COL24A1: variants seen among roughly 807,000 people sequenced by gnomAD.
COL24A1 encodes collagen alpha-1(XXIV) chain.
In COL24A1, 224 loss-of-function variants were observed where a neutral mutation model predicts 253.9. The observed-to-expected ratio is 0.88, with a 90% CI of 0.79 to 0.99. COL24A1 has a LOEUF of 0.99. COL24A1 is among the 50% of genes least tolerant of loss of function. The probability of loss-of-function intolerance (pLI) is 0.00; values close to 1 mark genes in which losing one functional copy is unlikely to be tolerated. For missense variants in COL24A1, 2,131 were observed against 2,068.5 expected (o/e 1.03, Z -0.59); for synonymous variants, 685 against 673.7 (o/e 1.02, Z -0.26).
At position 85,875,344 on chromosome 1, in the gene COL24A1, A is replaced by T. The variant is rs375855886; in HGVS notation, c.3031-14T>A. 2 of 1,609,208 alleles carry T rather than the reference A, an allele frequency of 1.2e-6. No individual in the cohort carries two copies. The highest frequency in any genetic ancestry group is 2.7e-5 in the African/African-American group (2 of 74,810). ...GCCTGGAGGTCCCTACAAGAGAATA[A>T]TTTAACACATTACAAAGGCAATAGC... On this transcript the variant is annotated splice_polypyrimidine_tract_variant and intron_variant, in intron 33 of 59. Transcript: ENST00000370571.
At chr1:86,059,048 T>G (rs191336852) in intron 9 of COL24A1, 73 bp downstream of exon 9, 14 of 914,040 alleles carry the variant, frequency 1.5e-5, no homozygotes, top group Middle Eastern at 2.3e-4. Context: ...TGAACATTAA[T>G]TCTCAAAATC....
Position 86,125,558 on chromosome 1 carries a change from TGA to T in COL24A1, c.776_777del (p.Leu259HisfsTer17). 6.2e-7 allele frequency: 1 copy of T among 1,613,456 alleles called. No homozygotes were observed. Among genetic ancestry groups the T allele is most frequent in the Non-Finnish European group, 8.5e-7 (1 of 1,179,638 alleles). ...GAGTGTTCCGGTATCTTTGTTGGTA[TGA>T]GAGTTGTACAAGGAATGCTTGTTTC... ...QPETSIPCTT[L>X]IPTKIPEHSP... On this transcript the variant is annotated frameshift_variant, in exon 3 of 60. Coordinates refer to ENST00000370571, the MANE Select transcript of COL24A1 (RefSeq NM_152890.7). LOFTEE classifies it high-confidence loss of function.
At chr1:85,743,384 C>T (rs1473682401) in intron 57 of COL24A1, among the ~76,000 whole-genome samples, 2 of 152,124 alleles carry the variant, frequency 1.3e-5, no homozygotes, top group Non-Finnish European at 2.9e-5. Flanking sequence ...GGCTTGCTCT[C>T]TTACCTCCTT....
intron 28 of COL24A1, among the ~76,000 whole-genome samples, chr1:85,901,454 G>A (rs1258822885): frequency 6.6e-6 from 1 of 152,090 alleles, no homozygotes; most frequent in African/African-American, 2.4e-5. Flanking sequence ...CTGTTGGTGA[G>A]AATGTGAATT....
At chr1:86,020,768 CAG>C (rs1393200820) in intron 18 of COL24A1, among the ~76,000 whole-genome samples, 8 of 152,048 alleles carry the variant, frequency 5.3e-5, no homozygotes, top group African/African-American at 1.9e-4. Flanking sequence ...CTGCAAATAT[CAG>C]AGAGTCTTTA....
intron 2 of COL24A1, among the ~76,000 whole-genome samples, chr1:86,127,438 A>G (rs1209626397): frequency 2.6e-5 from 4 of 152,052 alleles, no homozygotes; most frequent in Admixed American, 2.0e-4. Context: ...AAATAGTTCT[A>G]TAATTTCAGA....
At chr1:85,951,948 T>C (rs1689975871) in intron 24 of COL24A1, among the ~76,000 whole-genome samples, 2 of 152,178 alleles carry the variant, frequency 1.3e-5, no homozygotes, top group African/African-American at 4.8e-5. Flanking sequence ...CAGATTTCAA[T>C]CAATTATTTT....
At chr1:85,902,762 T>C (rs1558592880) in intron 28 of COL24A1, among the ~76,000 whole-genome samples, 2 of 152,080 alleles carry the variant, frequency 1.3e-5, no homozygotes, top group Admixed American at 1.3e-4. Context: ...GAAGGGTGTA[T>C]GGATGGGAGA....
At position 86,063,748 on chromosome 1, in the gene COL24A1, T is replaced by A. The variant is rs1186902915; in HGVS notation, c.1719A>T (p.Gly573=). The A allele has an allele frequency of 1.3e-6, 2 of 1,554,758 alleles. No homozygotes were observed. Among genetic ancestry groups the A allele is most frequent in the African/African-American group, 2.7e-5 (2 of 72,958 alleles). ...PGMQGDKGLK[G]HPGLPGLPGE... ...CTGGAAGTCCTGGGAGTCCAGGATG[T>A]CCTTTGAGACCCTGTAAAAGAATAA... Residue 573 remains glycine (G), a synonymous_variant, in exon 8 of 60, where the codon GGA becomes GGT. Transcript: ENST00000370571.
In COL24A1 at chr1:85,774,396, G is replaced by A. The variant is rs550022871; in HGVS notation, c.4374+1278C>T. On this transcript the variant is annotated intron_variant, in intron 53 of 59. Coordinates refer to ENST00000370571, the MANE Select transcript of COL24A1 (RefSeq NM_152890.7). Reference sequence around the variant, plus strand: ...GATGCTGGCCTCATAAAATGAGTTAGGGAGGATTTCTTCGTTTTCTATTGA... The same window carrying A: ...GATGCTGGCCTCATAAAATGAGTTAAGGAGGATTTCTTCGTTTTCTATTGA... Among the ~76,000 whole-genome samples, 3 of 152,274 alleles carry A rather than the reference G, an allele frequency of 2.0e-5. No homozygotes were observed. In the East Asian group the frequency reaches 5.8e-4, roughly 29 times the overall value.
chr1:86,026,295 A>G (rs1698016055), intron 14 of COL24A1, among the ~76,000 whole-genome samples: 1 of 152,226 alleles, frequency 6.6e-6, no homozygotes, highest in Non-Finnish European at 1.5e-5. Flanking sequence ...AGGACTACAA[A>G]GATGACTCTT....
chr1:86,128,330 C>T (rs147816559), intron 2 of COL24A1, among the ~76,000 whole-genome samples: 1 of 152,074 alleles, frequency 6.6e-6, no homozygotes, highest in African/African-American at 2.4e-5. Context: ...TATCCTCACC[C>T]AGGTTTACCT....
chr1:85,769,125 A>G (rs553261051), intron 53 of COL24A1, among the ~76,000 whole-genome samples: 28 of 152,284 alleles, frequency 1.8e-4, no homozygotes, highest in Admixed American at 2.6e-4. Context: ...TTATGTTCCA[A>G]CACCTCAATT....
chr1:85,854,003 A>G (rs1371728680), intron 37 of COL24A1, among the ~76,000 whole-genome samples: 1 of 152,112 alleles, frequency 6.6e-6, no homozygotes, highest in Non-Finnish European at 1.5e-5. Context: ...TTTTGATGCA[A>G]TTGCTTTTGG....
rs544402163 is a variant in COL24A1, at chr1:85,842,930, T to C, written c.3463-537A>G. Among the ~76,000 whole-genome samples the C allele has an allele frequency of 1.2e-4, 18 of 152,274 alleles. No homozygotes were observed. In the East Asian group the frequency reaches 1.9e-3, roughly 16 times the overall value. On this transcript the variant is annotated intron_variant, in intron 39 of 59. Coordinates refer to ENST00000370571, the MANE Select transcript of COL24A1 (RefSeq NM_152890.7). ...ACTCTTATTATCAATATTTTATAGA[T>C]GGTGAAACCATGTAAGCCAAAGACT...
intron 24 of COL24A1, among the ~76,000 whole-genome samples, chr1:85,939,948 A>T (rs1688587335): frequency 6.7e-6 from 1 of 150,152 alleles, no homozygotes; most frequent in Non-Finnish European, 1.5e-5. Flanking sequence ...ATGACTACTC[A>T]CCTGTGCTAT....
At chr1:85,740,953 C>CAAAAAAAAAAAAAAA (rs774839476) in intron 57 of COL24A1, among the ~76,000 whole-genome samples, 2 of 83,026 alleles carry the variant, frequency 2.4e-5, no homozygotes, top group African/African-American at 4.5e-5. Flanking sequence ...TCTAAAAATA[C>CAAAAAAAAAAAAAAA]AAAAAAAAAA....
intron 53 of COL24A1, among the ~76,000 whole-genome samples, chr1:85,769,016 T>A (rs142408756): frequency 0.016 from 1,432 of 91,834 alleles, 59 homozygotes; most frequent in Admixed American, 0.1. Flanking sequence ...TTCAAACAAT[T>A]CAATAAATAA....
intron 12 of COL24A1, among the ~76,000 whole-genome samples, chr1:86,039,288 G>A (rs906991267): frequency 1.5e-4 from 23 of 152,272 alleles, no homozygotes; most frequent in African/African-American, 5.5e-4. Flanking sequence ...ATACATGTAT[G>A]TGATATTAAT....
Sources: allele counts gnomAD v4.1 joint callset (sites outside exome capture counted in the v4.1 genomes callset), GRCh38; gene constraint gnomAD v4.1.1; transcripts MANE v1.5; gene names NCBI Gene and HGNC (gene_info 2026-07-23, HGNC 2026-07-21).